CHD3: variants seen among roughly 807,000 people sequenced by gnomAD.
CHD3 encodes ATP-dependent chromatin remodeler CHD3.
CHD3 carries 52 observed loss-of-function variants against 248.9 expected under a neutral mutation model. The observed-to-expected ratio is 0.21, with a 90% confidence interval of 0.17 to 0.26. The LOEUF is 0.26. Among genes scored for constraint, CHD3 ranks in the 10% least tolerant of loss-of-function variants. The pLI is 1.00. For synonymous variants in CHD3, 985 were observed against 985.2 expected, an observed-to-expected ratio of 1.00 and a Z score of 0.00; for missense variants, 1,482 against 2,605.8, an observed-to-expected ratio of 0.57 and a Z score of 9.39.
chr17:7,895,664 C>T lies in CHD3; in HGVS notation c.1707+122C>T, dbSNP rs538682977. 18 of 800,562 alleles carry T rather than the reference C, an allele frequency of 2.2e-5. No homozygotes were observed. The Admixed American group carries it at 3.8e-4, about 17-fold the overall frequency. The allele number at this position is 800,562 out of a possible 1,614,324, so 49.6% of individuals were successfully genotyped here. A position where few individuals can be genotyped will look rare whatever the true frequency, so the allele number is the denominator to read the frequency against. ...GTTTTCTCTCATTTCAGGCCTGTGG[C>T]CTTCATACCCTACTTGCTTAGTTTC... On this transcript the variant is annotated intron_variant, in intron 10 of 39. Coordinates refer to ENST00000330494, the MANE Select transcript of CHD3 (RefSeq NM_001005273.3). The surrounding 1 kb of genome is among the most constrained non-coding windows in gnomAD (Gnocchi z 4.9).
upstream of CHD3, among the ~76,000 whole-genome samples, chr17:7,887,091 C>A (rs775508156): frequency 7.2e-5 from 11 of 152,024 alleles, 1 homozygote; most frequent in Admixed American, 4.6e-4. Context: ...GGTAAAACTT[C>A]GGGAAATTAT....
rs1453924635 is a variant in CHD3, at chr17:7,908,447, C to G, written c.5198C>G (p.Ser1733Trp). Reference sequence around the variant, plus strand: ...AATGAGGAACGGGCAGCTATTTCCTCGGGGAAACTCAATGAGATCTGGCAC... The same window carrying G: ...AATGAGGAACGGGCAGCTATTTCCTGGGGGAAACTCAATGAGATCTGGCAC... ...WQNEERAAIS[S>W]GKLNEIWHRR... The change falls in exon 35 of 40, where the codon TCG becomes TGG. Residue 1733 changes from serine (S) to tryptophan (W), a missense_variant. By Grantham distance (177) the Ser-to-Trp change is radical. Around this residue, in one of 20 missense-constraint regions of CHD3, gnomAD observed 36 missense variants for 70.4 expected, o/e 0.51. Coordinates refer to ENST00000330494, the MANE Select transcript of CHD3 (RefSeq NM_001005273.3). This position sits in a 1 kb window ranked among gnomAD's most constrained non-coding sequence, Gnocchi z 5.8. 1.9e-6 allele frequency: 3 copies of G among 1,613,710 alleles called. No homozygotes were observed. Among genetic ancestry groups the G allele is most frequent in the Non-Finnish European group, 2.5e-6 (3 of 1,179,800 alleles).
At chr17:7,892,496 C>CCT (rs1969019222) in intron 4 of CHD3, among the ~76,000 whole-genome samples, 4 of 112,468 alleles carry the variant, frequency 3.6e-5, no homozygotes, top group African/African-American at 1.4e-4. Context: ...TTTATTTCCC[C>CCT]TTTTTTTTTT....
Position 7,908,749 on chromosome 17 carries a change from A to G in CHD3, c.5314A>G (p.Ile1772Val). Reference sequence around the variant, plus strand: ...CCAGAATGATGCTCAATTTGCCATTATCAACGAGCCATTTAAAACTGAAGC... The same window carrying G: ...CCAGAATGATGCTCAATTTGCCATTGTCAACGAGCCATTTAAAACTGAAGC... Reference protein sequence around the residue: ...DIQNDAQFAIINEPFKTEANK... With the variant: ...DIQNDAQFAIVNEPFKTEANK... The change falls in exon 36 of 40, where the codon ATC becomes GTC. Residue 1772 changes from isoleucine to valine, a missense_variant. Transcript: ENST00000330494. The surrounding 1 kb of genome is among the most constrained non-coding windows in gnomAD (Gnocchi z 5.8). 2 of 1,614,148 alleles carry G rather than the reference A, an allele frequency of 1.2e-6. No individual in the cohort carries two copies. The highest frequency in any genetic ancestry group is 1.1e-5 in the South Asian group (1 of 91,082).
chr17:7,885,524 C>T (rs1395823057), upstream of CHD3, among the ~76,000 whole-genome samples: 3 of 151,590 alleles, frequency 2.0e-5, no homozygotes, highest in Admixed American at 1.3e-4. Context: ...ACCGCCGAGA[C>T]CCTGGCGGCC....
Position 7,889,140 on chromosome 17 carries a change from G to A in CHD3, c.100+40G>A. The A allele has an allele frequency of 6.2e-7, 1 of 1,613,406 alleles. No individual in the cohort carries two copies. The highest frequency in any genetic ancestry group is 8.5e-7 in the Non-Finnish European group (1 of 1,179,518). On this transcript the variant is annotated intron_variant, in intron 1 of 39. Coordinates refer to ENST00000330494, the MANE Select transcript of CHD3 (RefSeq NM_001005273.3). The surrounding 1 kb of genome is among the most constrained non-coding windows in gnomAD (Gnocchi z 4.5). ...AAATGTAAATAGAGGCCTCCCTCTT[G>A]GCAAAAGGATGTCAGGGCCCCAGGG...
In CHD3 at chr17:7,910,755, T is replaced by A; in HGVS notation, c.5755-92T>A. 3 of 1,530,574 alleles carry A rather than the reference T, an allele frequency of 2.0e-6. No individual in the cohort carries two copies. Among genetic ancestry groups the A allele is most frequent in the Non-Finnish European group, 2.6e-6 (3 of 1,135,998 alleles). The allele number at this position is 1,530,574 out of a possible 1,614,324, so 94.8% of individuals were successfully genotyped here. On this transcript the variant is annotated intron_variant, in intron 38 of 39. Transcript: ENST00000330494. This position sits in a 1 kb window ranked among gnomAD's most constrained non-coding sequence, Gnocchi z 4.7. ...TGCCTGTGTATCCTACCCTTAGCAG[T>A]TGTGGAGTGTGGCTCATAATGTCTC...
chr17:7,911,579 C>T lies in CHD3; in HGVS notation c.5997C>T (p.Asp1999=), dbSNP rs749172317. 26 of 1,613,918 alleles carry T rather than the reference C, an allele frequency of 1.6e-5. No individual in the cohort carries two copies. Among genetic ancestry groups the T allele is most frequent in the African/African-American group, 6.7e-5 (5 of 74,928 alleles). Residue 1999 remains aspartate, a synonymous_variant, in exon 40 of 40, where the codon GAC becomes GAT. Transcript: ENST00000330494. The surrounding 1 kb of genome is among the most constrained non-coding windows in gnomAD (Gnocchi z 5.4). ...GAGCCGGGGAGGTGATCTGTATAGA[C>T]GACTGACTGGATCCCAGGCCTGCCC... ...EPRAGEVICI[D]D
In CHD3 at chr17:7,906,503, T is replaced by C; in HGVS notation, c.4359-50T>C. 1.2e-6 allele frequency: 2 copies of C among 1,605,280 alleles called. No individual in the cohort carries two copies. Among genetic ancestry groups the C allele is most frequent in the Non-Finnish European group, 1.7e-6 (2 of 1,174,228 alleles). ...TCCTCGCGCCTCCCTCACTGCCCTA[T>C]ACCCCTTCTGTGGCTCCCCTAACCC... is the stretch of plus-strand genomic sequence containing the variant. On this transcript the variant is annotated intron_variant, in intron 28 of 39. Coordinates refer to ENST00000330494, the MANE Select transcript of CHD3 (RefSeq NM_001005273.3). This position sits in a 1 kb window ranked among gnomAD's most constrained non-coding sequence, Gnocchi z 5.0.
Position 7,895,449 on chromosome 17 carries a change from C to T in CHD3, c.1614C>T (p.Pro538=). Residue 538 remains proline, a synonymous_variant, in exon 10 of 40, where the codon CCC becomes CCT. Transcript: ENST00000330494. This position sits in a 1 kb window ranked among gnomAD's most constrained non-coding sequence, Gnocchi z 4.9. Reference sequence around the variant, plus strand: ...CAGATGGAAATCCAGATGTCCCACCCCCCCGTCCTCTTCAAGGCAGATCAG... The same window carrying T: ...CAGATGGAAATCCAGATGTCCCACCTCCCCGTCCTCTTCAAGGCAGATCAG... ...QQADGNPDVP[P]PRPLQGRSER... 1 of 1,614,152 alleles carries T rather than the reference C, an allele frequency of 6.2e-7. No individual in the cohort carries two copies. The highest frequency in any genetic ancestry group is 8.5e-7 in the Non-Finnish European group (1 of 1,180,026).
At chr17:7,885,036 C>CGCCGCCGCCGCCACCGCT, upstream of CHD3, 1 of 1,121,896 alleles carries the variant, frequency 8.9e-7, no homozygotes, top group Non-Finnish European at 1.1e-6. Context: ...CCGCCGCCGC[C>CGCCGCCGCCGCCACCGCT]GCCGCCGCCG....
chr17:7,889,818 G>A lies in CHD3; in HGVS notation c.213+42G>A, dbSNP rs1429745192. On this transcript the variant is annotated intron_variant, in intron 2 of 39. Coordinates refer to ENST00000330494, the MANE Select transcript of CHD3 (RefSeq NM_001005273.3). The surrounding 1 kb of genome is among the most constrained non-coding windows in gnomAD (Gnocchi z 4.5). Reference sequence around the variant, plus strand: ...CCTAACTCTGTGGCAAGGCTCAAGAGACCCATTCTCAGAGACCTACATTTT... The same window carrying A: ...CCTAACTCTGTGGCAAGGCTCAAGAAACCCATTCTCAGAGACCTACATTTT... 6.5e-7 allele frequency: 1 copy of A among 1,545,854 alleles called. No homozygotes were observed. Among genetic ancestry groups the A allele is most frequent in the South Asian group, 1.2e-5 (1 of 86,550 alleles).
Position 7,912,375 on chromosome 17 carries a change from G to C in CHD3, c.*790G>C, listed in dbSNP as rs951069299. On this transcript the variant is annotated 3_prime_UTR_variant, in exon 40 of 40. Coordinates refer to ENST00000330494, the MANE Select transcript of CHD3 (RefSeq NM_001005273.3). ...TAGAAGGGTGGGAGAGAATACAATGGGCCAGATGTGGTGGAAGCCCAGCTC... is the reference window on the plus strand; with the variant it reads ...TAGAAGGGTGGGAGAGAATACAATGCGCCAGATGTGGTGGAAGCCCAGCTC... 1.3e-5 allele frequency: 2 copies of C among 152,362 alleles called. No individual in the cohort carries two copies. Among genetic ancestry groups the C allele is most frequent in the Non-Finnish European group, 2.9e-5 (2 of 68,238 alleles). The allele number at this position is 152,362 out of a possible 1,614,324, so 9.4% of individuals were successfully genotyped here.
At chr17:7,890,538 TG>T in intron 2 of CHD3, 32 bp from the exon 3 acceptor site, 1 of 1,433,578 alleles carries the variant, frequency 7.0e-7, no homozygotes, top group Non-Finnish European at 9.4e-7. Context: ...ATGGTAGGGA[TG>T]AATAAATGTT....
rs765101896 is a variant in CHD3 at position 7,895,319 on chromosome 17, T to C, written c.1504-20T>C. 1.9e-6 allele frequency: 3 copies of C among 1,613,622 alleles called. No homozygotes were observed. Among genetic ancestry groups the C allele is most frequent in the South Asian group, 2.2e-5 (2 of 91,060 alleles). On this transcript the variant is annotated intron_variant, in intron 9 of 39. Coordinates refer to ENST00000330494, the MANE Select transcript of CHD3 (RefSeq NM_001005273.3). The surrounding 1 kb of genome is among the most constrained non-coding windows in gnomAD (Gnocchi z 4.9). ...TTCTGCCTCTTTCTTTCCTCCTCCT[T>C]GTACGTGTCCATCCCAAAGTGCCCC...
chr17:7,887,637 T>A (rs1968171366), upstream of CHD3, among the ~76,000 whole-genome samples: 1 of 149,840 alleles, frequency 6.7e-6, no homozygotes, highest in African/African-American at 2.5e-5. Context: ...AATATATGTG[T>A]GAGAGATTGA....
At position 7,907,106 on chromosome 17, in the gene CHD3, C is replaced by A; in HGVS notation, c.4667-20C>A. The A allele has an allele frequency of 6.2e-7, 1 of 1,614,148 alleles. No homozygotes were observed. Among genetic ancestry groups the A allele is most frequent in the South Asian group, 1.1e-5 (1 of 91,088 alleles). The stretch of plus-strand genomic sequence containing the variant: ...AGGGCGGGAGAATCTCTGTCTTTAT[C>A]ACTGTGCCTTCCCCTGCAGCTACTC... On this transcript the variant is annotated intron_variant, in intron 30 of 39. Transcript: ENST00000330494. The surrounding 1 kb of genome is among the most constrained non-coding windows in gnomAD (Gnocchi z 4.3).
intron 2 of CHD3, among the ~76,000 whole-genome samples, chr17:7,890,096 C>T (rs1031770035): frequency 1.3e-5 from 2 of 152,134 alleles, no homozygotes; most frequent in Non-Finnish European, 2.9e-5. Flanking sequence ...GATACCAGGC[C>T]GTTTATTTGG....
chr17:7,907,175 G>C lies in CHD3; in HGVS notation c.4716G>C (p.Glu1572Asp). 1.2e-6 allele frequency: 2 copies of C among 1,614,240 alleles called. No homozygotes were observed. Among genetic ancestry groups the C allele is most frequent in the Non-Finnish European group, 1.7e-6 (2 of 1,180,032 alleles). ...EKGEGIRTPL[E>D]KEEAENQEEK... ...GAGAAGGCATAAGGACACCTCTTGA[G>C]AAGGAGGAAGCTGAAAACCAGGAGG... Residue 1572 changes from glutamate to aspartate, a missense_variant, in exon 31 of 40, where the codon GAG becomes GAC. Glu to Asp is a conservative substitution (Grantham distance 45). Transcript: ENST00000330494. The surrounding 1 kb of genome is among the most constrained non-coding windows in gnomAD (Gnocchi z 4.3).
Sources: allele counts gnomAD v4.1 joint callset (sites outside exome capture counted in the v4.1 genomes callset), GRCh38; gene constraint gnomAD v4.1.1; regional missense constraint gnomAD v4.1.1; non-coding constraint Gnocchi (gnomAD v3.1); transcripts MANE v1.5; gene names NCBI Gene and HGNC (gene_info 2026-07-23, HGNC 2026-07-21).